MYT1L: variants seen among roughly 807,000 people sequenced by gnomAD.
MYT1L encodes myelin transcription factor 1 like, also known as myelin transcription factor 1-like protein.
In MYT1L, 12 loss-of-function variants were observed where a neutral mutation model predicts 126.7. The observed-to-expected ratio is 0.09, with a 90% CI of 0.06 to 0.15. The LOEUF (loss-of-function observed/expected upper bound fraction) is 0.15. Ranked by LOEUF, MYT1L falls within the 10% of genes least tolerant of loss-of-function variation. MYT1L has a pLI of 1.00. For synonymous variants in MYT1L, 541 were observed against 604.2 expected (o/e 0.90, Z 1.53); for missense variants, 979 against 1,585.2 (o/e 0.62, Z 6.49).
chr2:2,219,887 A>G lies in MYT1L; in HGVS notation c.-420-46899T>C, dbSNP rs574127055. Among the ~76,000 whole-genome samples, 5 of 146,846 alleles carry G rather than the reference A, an allele frequency of 3.4e-5. No individual in the cohort carries two copies. In the South Asian group the frequency reaches 1.0e-3, roughly 30 times the overall value. On this transcript the variant is annotated intron_variant, in intron 2 of 24. Coordinates refer to ENST00000647738, the MANE Select transcript of MYT1L (RefSeq NM_001303052.2). ...AAAGTAAAAACGGCCTTGCTGAGGA[A>G]ATTAAATTTATGTTCAAGTGCTATT...
At chr2:2,230,366 A>C (rs921175001) in intron 2 of MYT1L, among the ~76,000 whole-genome samples, 1 of 152,238 alleles carries the variant, frequency 6.6e-6, no homozygotes, top group Non-Finnish European at 1.5e-5. Flanking sequence ...TCAAGCTCGA[A>C]TTTCTGAAAG....
intron 3 of MYT1L, among the ~76,000 whole-genome samples, chr2:2,134,525 G>A (rs2148062916): frequency 6.6e-6 from 1 of 152,256 alleles, no homozygotes; most frequent in South Asian, 2.1e-4. Context: ...ATGGCTCTTG[G>A]AGGAGAGGCA....
chr2:2,071,518 C>T (rs565398294), intron 3 of MYT1L, among the ~76,000 whole-genome samples: 27 of 152,224 alleles, frequency 1.8e-4, no homozygotes, highest in South Asian at 1.0e-3. Context: ...AAGCTCAGGA[C>T]GCCATGGGCT....
chr2:1,838,157 G>A (rs1421915964), intron 21 of MYT1L, among the ~76,000 whole-genome samples: 1 of 152,014 alleles, frequency 6.6e-6, no homozygotes, highest in Non-Finnish European at 1.5e-5. Flanking sequence ...CAGGTGATCT[G>A]CCCACCTCGG....
chr2:1,903,230 T>C lies in MYT1L; in HGVS notation c.1882A>G (p.Thr628Ala). 1 of 1,613,972 alleles carries C rather than the reference T, an allele frequency of 6.2e-7. No individual in the cohort carries two copies. The highest frequency in any genetic ancestry group is 8.5e-7 in the Non-Finnish European group (1 of 1,179,888). ...QYGYRNNVPTTTPRSNLAKEL... is the reference protein window; with the variant it reads ...QYGYRNNVPTATPRSNLAKEL... ...TTGGCCAGGTTGGAACGCGGCGTAG[T>C]TGTGGGGACATTGTTTCTGTAGCCA... Residue 628 changes from threonine to alanine, a missense_variant, in exon 14 of 25, where the codon ACT (threonine) becomes GCT (alanine). Thr to Ala is a moderately conservative substitution (Grantham distance 58). This residue lies in a region of MYT1L where 82 missense variants were observed against 177.2 expected (regional missense o/e 0.46). Coordinates refer to ENST00000647738, the MANE Select transcript of MYT1L (RefSeq NM_001303052.2).
intron 17 of MYT1L, among the ~76,000 whole-genome samples, 180 bp from the exon 18 acceptor site, chr2:1,886,787 A>C (rs908550885): frequency 2.0e-5 from 3 of 152,234 alleles, no homozygotes; most frequent in African/African-American, 7.2e-5. Context: ...ATTTAAGAAA[A>C]TATTTCTTAA....
rs144646556 is a variant in MYT1L at position 2,207,421 on chromosome 2, T to C, written c.-420-34433A>G. Among the ~76,000 whole-genome samples, 91 of 152,324 alleles carry C rather than the reference T, an allele frequency of 6.0e-4. No homozygotes were observed. The East Asian group carries it at 0.013, about 22-fold the overall frequency. On this transcript the variant is annotated intron_variant, in intron 2 of 24. Coordinates refer to ENST00000647738, the MANE Select transcript of MYT1L (RefSeq NM_001303052.2). ...AAGCGTCCAGAAACGCCCTGAGGAA[T>C]TGGCAGCCTGAACCCAGGCCAGCCT...
chr2:2,289,263 A>AAC (rs1559562688), intron 1 of MYT1L, among the ~76,000 whole-genome samples: 1 of 152,206 alleles, frequency 6.6e-6, no homozygotes, highest in Non-Finnish European at 1.5e-5. Flanking sequence ...GTTTTATTGC[A>AAC]TGTTGGCCAA....
intron 3 of MYT1L, among the ~76,000 whole-genome samples, chr2:2,109,127 T>C (rs1477865703): frequency 6.6e-6 from 1 of 152,236 alleles, no homozygotes; most frequent in Non-Finnish European, 1.5e-5. Flanking sequence ...ATTCCAATAA[T>C]GATGGATCAG....
chr2:1,973,854 C>T (rs1558593502), intron 8 of MYT1L, among the ~76,000 whole-genome samples: 1 of 152,206 alleles, frequency 6.6e-6, no homozygotes, highest in Non-Finnish European at 1.5e-5. Flanking sequence ...CCTCCCACAC[C>T]AATGCAGCGT....
Position 2,122,837 on chromosome 2 carries a change from A to ATGTGTGTGTGTGTG in MYT1L, c.-304+50021_-304+50034dup, listed in dbSNP as rs200951880. Among the ~76,000 whole-genome samples, 44 of 135,596 alleles carry ATGTGTGTGTGTGTG rather than the reference A, an allele frequency of 3.2e-4. No individual in the cohort carries two copies. The South Asian group carries it at 4.0e-3, about 12-fold the overall frequency. The allele number at this position is 135,596 out of a possible 152,430, so 89.0% of individuals were successfully genotyped here. A position where few individuals can be genotyped will look rare whatever the true frequency, so the allele number is the denominator to read the frequency against. ...TGTGGAACTGGGAGGGAGGATAGGAATGTGTGTGTGTGTGTGTGTGTGTGT... is the reference window on the plus strand; with the variant it reads ...TGTGGAACTGGGAGGGAGGATAGGAATGTGTGTGTGTGTGTGTGTGTGTGTGTGTGTGTGTGTGT... On this transcript the variant is annotated intron_variant, in intron 3 of 24. Coordinates refer to ENST00000647738, the MANE Select transcript of MYT1L (RefSeq NM_001303052.2).
At chr2:1,876,387 A>G (rs1394597577) in intron 18 of MYT1L, among the ~76,000 whole-genome samples, 1 of 151,864 alleles carries the variant, frequency 6.6e-6, no homozygotes, top group African/African-American at 2.4e-5. Flanking sequence ...CGTGCCCAGG[A>G]CTCCGAGTCC....
At chr2:1,799,889 A>T (rs555222189) in intron 23 of MYT1L, among the ~76,000 whole-genome samples, 7 of 152,240 alleles carry the variant, frequency 4.6e-5, no homozygotes, top group African/African-American at 1.7e-4. Flanking sequence ...TGATGGTTTT[A>T]TGAGTGTCTG....
chr2:2,276,839 C>T (rs551600844), intron 2 of MYT1L, among the ~76,000 whole-genome samples: 5 of 152,168 alleles, frequency 3.3e-5, no homozygotes, highest in Non-Finnish European at 4.4e-5. Flanking sequence ...TTACTCCACA[C>T]CCCCCTGGAA....
intron 2 of MYT1L, among the ~76,000 whole-genome samples, chr2:2,174,995 T>A (rs1011862219): frequency 1.3e-5 from 2 of 152,084 alleles, no homozygotes; most frequent in Non-Finnish European, 2.9e-5. Flanking sequence ...AAGTGAGCCA[T>A]GAGTAGAGAA....
intron 3 of MYT1L, among the ~76,000 whole-genome samples, chr2:2,074,797 C>G (rs1049853272): frequency 2.0e-5 from 3 of 152,166 alleles, no homozygotes; most frequent in Non-Finnish European, 4.4e-5. Context: ...AGGAGTCAGT[C>G]TGTTAACTTT....
chr2:1,812,662 G>C (rs1264497222), intron 21 of MYT1L, among the ~76,000 whole-genome samples: 1 of 152,098 alleles, frequency 6.6e-6, no homozygotes, highest in Non-Finnish European at 1.5e-5. Flanking sequence ...CAGATCATGA[G>C]GTCAGGAGTT....
At chr2:2,205,984 C>CT (rs151297190) in intron 2 of MYT1L, among the ~76,000 whole-genome samples, 4,958 of 145,442 alleles carry the variant, frequency 0.034, 246 homozygotes, top group African/African-American at 0.12. Flanking sequence ...CTTTTCTTTT[C>CT]TTTCTTTTTT....
intron 4 of MYT1L, among the ~76,000 whole-genome samples, chr2:2,017,101 T>C (rs2064495338): frequency 6.6e-6 from 1 of 152,164 alleles, no homozygotes; most frequent in Non-Finnish European, 1.5e-5. Flanking sequence ...AGAGCCATCA[T>C]TACAGGCTGG....
Sources: allele counts gnomAD v4.1 joint callset (sites outside exome capture counted in the v4.1 genomes callset), GRCh38; gene constraint gnomAD v4.1.1; regional missense constraint gnomAD v4.1.1; transcripts MANE v1.5; gene names NCBI Gene and HGNC (gene_info 2026-07-23, HGNC 2026-07-21).